RAI1: variants seen among roughly 807,000 people sequenced by gnomAD.
The protein encoded by RAI1 is retinoic acid induced 1.
A neutral mutation model predicts 123.8 loss-of-function variants in RAI1; 9 were observed. That is an observed-to-expected ratio of 0.07 (90% confidence interval 0.04 to 0.13). The LOEUF (loss-of-function observed/expected upper bound fraction) is 0.13. Among genes scored for constraint, RAI1 ranks in the 10% least tolerant of loss-of-function variants. RAI1 has a pLI of 1.00. For missense variants in RAI1, 2,256 were observed against 2,545.8 expected (o/e 0.89, Z 2.45); for synonymous variants, 1,231 against 1,127.3 (o/e 1.09, Z -1.84).
intron 1 of RAI1, among the ~76,000 whole-genome samples, chr17:17,720,106 G>A (rs1168124196): frequency 6.6e-6 from 1 of 152,122 alleles, no homozygotes; most frequent in African/African-American, 2.4e-5. Flanking sequence ...TGGCTCCACT[G>A]CCTGCATTCC....
At chr17:17,713,383 T>A (rs1225463226) in intron 1 of RAI1, among the ~76,000 whole-genome samples, 1 of 152,154 alleles carries the variant, frequency 6.6e-6, no homozygotes, top group Non-Finnish European at 1.5e-5. Context: ...CTCATGCCTG[T>A]AATCCCAGTA....
At position 17,797,216 on chromosome 17, in the gene RAI1, G is replaced by A. The variant is rs1309029617; in HGVS notation, c.4268G>A (p.Cys1423Tyr). Residue 1423 changes from cysteine to tyrosine, a missense_variant, in exon 3 of 6, where the codon TGT (cysteine) becomes TAT (tyrosine). By Grantham distance (194) the Cys-to-Tyr change is radical (BLOSUM62 -2). Coordinates refer to ENST00000353383, the MANE Select transcript of RAI1 (RefSeq NM_030665.4). ...MNSKKLSSTD[C>Y]FKTEAFTSPE... is the part of the protein sequence containing the mutation. ...AGTAAGAAACTGTCTTCTACTGACTGTTTCAAAACCGAGGCCTTCACATCC... is the reference window on the plus strand; with the variant it reads ...AGTAAGAAACTGTCTTCTACTGACTATTTCAAAACCGAGGCCTTCACATCC... 1 of 1,613,768 alleles carries A rather than the reference G, an allele frequency of 6.2e-7. No homozygotes were observed.
At chr17:17,701,825 C>G (rs1045880686) in intron 1 of RAI1, among the ~76,000 whole-genome samples, 11 of 152,214 alleles carry the variant, frequency 7.2e-5, no homozygotes, top group Non-Finnish European at 1.2e-4. Context: ...AGACCAAAGC[C>G]TGAAGCATTG....
chr17:17,754,191 C>CTTTTTTTTTTTTTTT, intron 2 of RAI1, among the ~76,000 whole-genome samples: 1 of 75,720 alleles, frequency 1.3e-5, no homozygotes, highest in Non-Finnish European at 2.5e-5. Flanking sequence ...CTAACCCAAT[C>CTTTTTTTTTTTTTTT]TTTTTTTTTT....
At chr17:17,772,237 G>A (rs1443693340) in intron 2 of RAI1, among the ~76,000 whole-genome samples, 1 of 152,150 alleles carries the variant, frequency 6.6e-6, no homozygotes, top group Non-Finnish European at 1.5e-5. Context: ...ATCTAGAATT[G>A]GCTGTGGAGT....
chr17:17,705,599 A>G (rs1168505111), intron 1 of RAI1, among the ~76,000 whole-genome samples: 2 of 152,190 alleles, frequency 1.3e-5, no homozygotes, highest in African/African-American at 4.8e-5. Context: ...GGTAGCACAC[A>G]CTTGCAGTCC....
chr17:17,807,701 G>A (rs1343527150), intron 4 of RAI1, among the ~76,000 whole-genome samples: 6 of 152,332 alleles, frequency 3.9e-5, no homozygotes, highest in East Asian at 1.9e-4. Flanking sequence ...TGGAAGTGGC[G>A]ACCTCCTACC....
At chr17:17,741,530 C>G (rs1454268593) in intron 2 of RAI1, among the ~76,000 whole-genome samples, 1 of 152,230 alleles carries the variant, frequency 6.6e-6, no homozygotes, top group Non-Finnish European at 1.5e-5. Context: ...GTGCGGGACT[C>G]GTCCTCGGCT....
chr17:17,737,221 A>C (rs1445830968), intron 2 of RAI1, among the ~76,000 whole-genome samples: 1 of 152,170 alleles, frequency 6.6e-6, no homozygotes, highest in Non-Finnish European at 1.5e-5. Flanking sequence ...AGTTTTCTGA[A>C]GATGAGGGGG....
chr17:17,773,009 G>T (rs2031212291), intron 2 of RAI1, among the ~76,000 whole-genome samples: 1 of 147,908 alleles, frequency 6.8e-6, no homozygotes, highest in African/African-American at 2.5e-5. Context: ...GTGAGTGGAT[G>T]GGTGGATGGA....
At chr17:17,782,891 G>A (rs2031649603) in intron 2 of RAI1, among the ~76,000 whole-genome samples, 1 of 152,196 alleles carries the variant, frequency 6.6e-6, no homozygotes, top group East Asian at 1.9e-4. Context: ...GGCGTGGGGA[G>A]GGAGCTGCGG....
chr17:17,779,770 C>T (rs2031496681), intron 2 of RAI1, among the ~76,000 whole-genome samples: 1 of 136,420 alleles, frequency 7.3e-6, no homozygotes, highest in African/African-American at 2.8e-5. Flanking sequence ...CCCTCCCCAC[C>T]CTTTTTTTTT....
chr17:17,793,403 C>A lies in RAI1; in HGVS notation c.455C>A (p.Pro152His), dbSNP rs763808276. 1 of 1,613,714 alleles carries A rather than the reference C, an allele frequency of 6.2e-7. No individual in the cohort carries two copies. Among genetic ancestry groups the A allele is most frequent in the South Asian group, 1.1e-5 (1 of 91,082 alleles). Residue 152 changes from proline to histidine, a missense_variant, in exon 3 of 6, where the codon CCC (proline) becomes CAC (histidine). By Grantham distance (77) the Pro-to-His change is moderately conservative. This residue lies in a region of RAI1 where 336 missense variants were observed against 349.8 expected (regional missense o/e 0.96). Coordinates refer to ENST00000353383, the MANE Select transcript of RAI1 (RefSeq NM_030665.4). Reference sequence around the variant, plus strand: ...AACTTGATGAAAAAGACAGCAGTGCCCCCCAGCAGGCAGTATGCAGAGCAG... The same window carrying A: ...AACTTGATGAAAAAGACAGCAGTGCACCCCAGCAGGCAGTATGCAGAGCAG... ...DENLMKKTAV[P>H]PSRQYAEQGA... is the part of the protein sequence containing the mutation.
At chr17:17,792,906 T>A in intron 2 of RAI1, 27 bp from the exon 3 acceptor site, 3 of 273,564 alleles carry the variant, frequency 1.1e-5, no homozygotes, top group Non-Finnish European at 2.2e-5. Context: ...CTTCCCTCCC[T>A]CCCTCCCTTC....
At chr17:17,762,423 GAGT>G (rs2030743288) in intron 2 of RAI1, among the ~76,000 whole-genome samples, 1 of 152,130 alleles carries the variant, frequency 6.6e-6, no homozygotes. Flanking sequence ...AGCTGGGGAG[GAGT>G]ACCCCTAACC....
intron 2 of RAI1, among the ~76,000 whole-genome samples, chr17:17,768,920 C>G (rs1188156997): frequency 6.6e-6 from 1 of 152,206 alleles, no homozygotes; most frequent in Non-Finnish European, 1.5e-5. Flanking sequence ...GAGCAAGGCC[C>G]AGGCCACCTG....
rs553296295 is a variant in RAI1 at position 17,745,991 on chromosome 17, A to G, written c.-17+21832A>G. ...CAGGGACTGGGTGCGTTGTTCCCACATGAGCGTTGTGGAGTTGGCATGCAT... is the reference window on the plus strand; with the variant it reads ...CAGGGACTGGGTGCGTTGTTCCCACGTGAGCGTTGTGGAGTTGGCATGCAT... On this transcript the variant is annotated intron_variant, in intron 2 of 5. Transcript: ENST00000353383. Among the ~76,000 whole-genome samples the G allele has an allele frequency of 1.4e-4, 22 of 152,326 alleles. 2 individuals are homozygous for G. The East Asian group carries it at 3.7e-3, about 25-fold the overall frequency.
At chr17:17,736,078 C>G (rs1916423662) in intron 2 of RAI1, among the ~76,000 whole-genome samples, 1 of 152,044 alleles carries the variant, frequency 6.6e-6, no homozygotes, top group Non-Finnish European at 1.5e-5. Flanking sequence ...TGTGGATATC[C>G]ATGTTGTGAG....
At chr17:17,701,512 G>C (rs541479433) in intron 1 of RAI1, among the ~76,000 whole-genome samples, 1 of 152,264 alleles carries the variant, frequency 6.6e-6, no homozygotes, top group Admixed American at 6.5e-5. Flanking sequence ...AAACGGAAGA[G>C]GGAATAGACA....
Sources: gnomAD v4.1 joint callset for allele counts (sites outside exome capture counted in the v4.1 genomes callset) on GRCh38, gnomAD v4.1.1 for gene constraint, gnomAD v4.1.1 regional missense constraint, MANE v1.5 for transcripts, NCBI Gene and HGNC (gene_info 2026-07-23, HGNC 2026-07-21) for gene names.